Variants in MDGA2 observed in about 807,000 individuals in gnomAD.
MDGA2 encodes MAM domain-containing glycosylphosphatidylinositol anchor protein 2.
MDGA2 carries 40 observed loss-of-function variants against 117.8 expected under a neutral mutation model. That is an observed-to-expected ratio of 0.34 (90% CI 0.26 to 0.44). MDGA2 has a LOEUF of 0.44. MDGA2 is among the 20% of genes least tolerant of loss of function. The pLI is 1.00. For synonymous variants in MDGA2, 452 were observed against 439.0 expected (o/e 1.03, Z -0.37); for missense variants, 1,123 against 1,250.6 (o/e 0.90, Z 1.54).
chr14:47,494,369 A>T (rs1423254562), intron 1 of MDGA2, among the ~76,000 whole-genome samples: 1 of 152,158 alleles, frequency 6.6e-6, no homozygotes, highest in African/African-American at 2.4e-5. Context: ...CTGCTATCCT[A>T]CTATTTTAAA....
intron 1 of MDGA2, among the ~76,000 whole-genome samples, chr14:47,670,020 C>G (rs1436085401): frequency 6.6e-6 from 1 of 152,158 alleles, no homozygotes; most frequent in Non-Finnish European, 1.5e-5. Flanking sequence ...TCTTCCAGAG[C>G]TTTCTTGTGT....
intron 3 of MDGA2, among the ~76,000 whole-genome samples, chr14:47,182,109 G>A (rs576172133): frequency 6.3e-4 from 96 of 152,156 alleles, no homozygotes; most frequent in Non-Finnish European, 1.1e-3. Flanking sequence ...TGTGGGAGAA[G>A]GCACCCTTAA....
rs536283866 is a variant in MDGA2, at chr14:47,440,261, T to C, written c.281-138711A>G. 1.9e-4 allele frequency among the ~76,000 whole-genome samples: 29 copies of C among 152,262 alleles called. 1 individual carries two copies. The South Asian group carries it at 5.6e-3, about 29-fold the overall frequency. On this transcript the variant is annotated intron_variant, in intron 1 of 16. Transcript: ENST00000399232. ...AGTACACATTTGGGGCAGACCTTAA[T>C]GAGGACGTATAAATATCTGGCCCCT...
chr14:47,436,928 T>A (rs1412718333), intron 1 of MDGA2, among the ~76,000 whole-genome samples: 1 of 152,134 alleles, frequency 6.6e-6, no homozygotes, highest in Non-Finnish European at 1.5e-5. Context: ...TTCTCCTCTG[T>A]GTGTTCATCA....
intron 6 of MDGA2, among the ~76,000 whole-genome samples, chr14:47,096,166 A>C (rs1879955804): frequency 6.6e-6 from 1 of 152,032 alleles, no homozygotes; most frequent in African/African-American, 2.4e-5. Context: ...TCCTCAAATA[A>C]GCATTGCGTC....
chr14:46,996,909 A>C, intron 8 of MDGA2: 1 of 359,454 alleles, frequency 2.8e-6, no homozygotes, highest in Admixed American at 3.4e-5. Context: ...TCTAACAGCA[A>C]GGGAGAGCAC....
intron 1 of MDGA2, among the ~76,000 whole-genome samples, chr14:47,625,631 T>G (rs921282021): frequency 2.0e-5 from 3 of 152,226 alleles, no homozygotes; most frequent in African/African-American, 7.2e-5. Context: ...TTCCTCAATC[T>G]TTATTTTCAG....
At chr14:47,667,515 T>C (rs754526495) in intron 1 of MDGA2, among the ~76,000 whole-genome samples, 9 of 152,234 alleles carry the variant, frequency 5.9e-5, no homozygotes, top group Admixed American at 1.3e-4. Context: ...AGATGGTATT[T>C]CTTCAGGCAG....
intron 2 of MDGA2, among the ~76,000 whole-genome samples, chr14:47,247,161 C>T (rs1168257978): frequency 6.6e-6 from 1 of 151,696 alleles, no homozygotes; most frequent in Non-Finnish European, 1.5e-5. Context: ...CCTTGCAGGA[C>T]AAGAGGTGCT....
At chr14:47,133,580 C>A (rs1184211280) in intron 4 of MDGA2, among the ~76,000 whole-genome samples, 1 of 151,912 alleles carries the variant, frequency 6.6e-6, no homozygotes, top group Non-Finnish European at 1.5e-5. Flanking sequence ...TCTTGCCCCA[C>A]TCCCAAGTCT....
intron 1 of MDGA2, among the ~76,000 whole-genome samples, chr14:47,528,476 G>C (rs988895092): frequency 6.6e-6 from 1 of 152,096 alleles, no homozygotes; most frequent in Non-Finnish European, 1.5e-5. Flanking sequence ...GAAACTTGTG[G>C]CAACTTTCCA....
chr14:47,138,865 T>G (rs575095197), intron 4 of MDGA2, among the ~76,000 whole-genome samples: 32 of 152,226 alleles, frequency 2.1e-4, no homozygotes, highest in African/African-American at 7.5e-4. Flanking sequence ...AAAAGTATAA[T>G]TATTCGTCTT....
chr14:47,058,494 G>C, intron 7 of MDGA2: 1 of 979,208 alleles, frequency 1.0e-6, no homozygotes, highest in Non-Finnish European at 1.2e-6. Flanking sequence ...TATCCTCCAG[G>C]GTTCATAAAA....
intron 3 of MDGA2, among the ~76,000 whole-genome samples, chr14:47,162,882 C>A (rs1883702187): frequency 6.6e-6 from 1 of 152,158 alleles, no homozygotes; most frequent in Non-Finnish European, 1.5e-5. Flanking sequence ...TTCAGTATCA[C>A]CAAATCTAGC....
intron 1 of MDGA2, among the ~76,000 whole-genome samples, chr14:47,590,749 T>C (rs141724120): frequency 6.6e-6 from 1 of 151,948 alleles, no homozygotes; most frequent in Non-Finnish European, 1.5e-5. Flanking sequence ...TATTGAAATA[T>C]CTCATGTACC....
At chr14:47,649,010 T>G (rs186837554) in intron 1 of MDGA2, among the ~76,000 whole-genome samples, 1 of 152,292 alleles carries the variant, frequency 6.6e-6, no homozygotes, top group East Asian at 1.9e-4. Flanking sequence ...TGACCTCATG[T>G]CTAGTACCTA....
At chr14:47,304,226 G>A (rs919003712) in intron 1 of MDGA2, among the ~76,000 whole-genome samples, 10 of 152,136 alleles carry the variant, frequency 6.6e-5, no homozygotes, top group African/African-American at 2.4e-4. Flanking sequence ...GGACCTTAGA[G>A]TTCATATAGG....
At chr14:46,996,393 A>T (rs1238384328) in intron 8 of MDGA2, 1 of 152,114 alleles carries the variant, frequency 6.6e-6, no homozygotes, top group Non-Finnish European at 1.5e-5. Context: ...CACAACCAAG[A>T]TGTGGAATAG....
At chr14:47,165,115 G>C (rs368051383) in intron 3 of MDGA2, among the ~76,000 whole-genome samples, 11 of 152,186 alleles carry the variant, frequency 7.2e-5, no homozygotes, top group Middle Eastern at 3.4e-3. Context: ...GTGGGGGCAG[G>C]GGGTAGGGAT....
Sources: gnomAD v4.1 joint callset for allele counts (sites outside exome capture counted in the v4.1 genomes callset) on GRCh38, gnomAD v4.1.1 for gene constraint, MANE v1.5 for transcripts, NCBI Gene and HGNC (gene_info 2026-07-23, HGNC 2026-07-21) for gene names.